DPH6: variants seen among roughly 807,000 people sequenced by gnomAD.
The protein encoded by DPH6 is diphthamine biosynthesis 6.
DPH6 carries 33 observed loss-of-function variants against 38.2 expected under a neutral mutation model. That is an observed-to-expected ratio of 0.86 (90% confidence interval 0.65 to 1.15). The LOEUF (loss-of-function observed/expected upper bound fraction) is 1.15. Among genes scored for constraint, DPH6 ranks in the 50% most tolerant of loss-of-function variants. The pLI, the probability that DPH6 is intolerant of heterozygous loss-of-function variation, is 0.00. For missense variants in DPH6, 325 were observed against 320.0 expected, an observed-to-expected ratio of 1.02 and a Z score of -0.12; for synonymous variants, 108 against 103.0, an observed-to-expected ratio of 1.05 and a Z score of -0.30.
At chr15:35,236,495 C>T (rs561404737) in intron 3 of DPH6, among the ~76,000 whole-genome samples, 118 of 151,980 alleles carry the variant, frequency 7.8e-4, no homozygotes, top group Non-Finnish European at 1.2e-3. Flanking sequence ...AAAAATTAGC[C>T]GGGCGTGTTG....
intron 3 of DPH6, among the ~76,000 whole-genome samples, chr15:35,504,172 C>G (rs373964723): frequency 6.6e-6 from 1 of 151,920 alleles, no homozygotes; most frequent in Non-Finnish European, 1.5e-5. Context: ...TCAAAAACTC[C>G]CCATTACTTA....
intron 3 of DPH6, among the ~76,000 whole-genome samples, chr15:35,252,712 G>A (rs112135499): frequency 5.3e-4 from 80 of 152,328 alleles, no homozygotes; most frequent in African/African-American, 1.9e-3. Context: ...GGCAGACAGC[G>A]AACAAATAAA....
At chr15:35,184,755 T>C in the DPH6 span, among the ~76,000 whole-genome samples, 1 of 152,176 alleles carries the variant, frequency 6.6e-6, no homozygotes, top group Non-Finnish European at 1.5e-5. Flanking sequence ...TCAAACTCAG[T>C]AGGTTATATG....
At chr15:35,448,578 A>G (rs1196275686) in intron 5 of DPH6, among the ~76,000 whole-genome samples, 1 of 152,172 alleles carries the variant, frequency 6.6e-6, no homozygotes, top group Non-Finnish European at 1.5e-5. Context: ...GAAAATGTGT[A>G]AGATGACCAC....
At chr15:35,538,089 T>C (rs2055198167) in intron 3 of DPH6, 185 bp downstream of exon 3, 2 of 400,460 alleles carry the variant, frequency 5.0e-6, no homozygotes, top group African/African-American at 2.1e-5. Context: ...TATTTTTAAA[T>C]ATCATTTAAT....
intron 5 of DPH6, among the ~76,000 whole-genome samples, chr15:35,417,108 T>C (rs1413180604): frequency 6.6e-6 from 1 of 152,076 alleles, no homozygotes; most frequent in African/African-American, 2.4e-5. Context: ...TTTTTATAAG[T>C]ATAAAGATTG....
At chr15:35,297,746 C>G (rs1036532330) in intron 3 of DPH6, among the ~76,000 whole-genome samples, 4 of 152,056 alleles carry the variant, frequency 2.6e-5, no homozygotes, top group South Asian at 2.1e-4. Context: ...CTGCTTGATA[C>G]AGCCACTTAG....
the DPH6 span, among the ~76,000 whole-genome samples, chr15:35,204,766 AT>A: frequency 0.011 from 1,650 of 152,028 alleles, 20 homozygotes; most frequent in African/African-American, 0.037. Flanking sequence ...AACATACAAA[AT>A]TTAAAATAAT....
At chr15:35,276,770 T>A (rs953185501) in intron 3 of DPH6, among the ~76,000 whole-genome samples, 1 of 152,216 alleles carries the variant, frequency 6.6e-6, no homozygotes. Context: ...GGGTTCTCTA[T>A]TCTGTTCCAT....
At chr15:35,473,447 C>T (rs1247648982) in intron 3 of DPH6, among the ~76,000 whole-genome samples, 3 of 143,740 alleles carry the variant, frequency 2.1e-5, no homozygotes, top group South Asian at 4.4e-4. Context: ...TATGTTAAAA[C>T]CTATCCAGCT....
At chr15:35,503,981 A>G (rs1303172331) in intron 3 of DPH6, among the ~76,000 whole-genome samples, 1 of 152,036 alleles carries the variant, frequency 6.6e-6, no homozygotes, top group Non-Finnish European at 1.5e-5. Context: ...TATGCTGATG[A>G]TCTCTACCAT....
chr15:35,368,626 A>G (rs908687424), downstream of DPH6, among the ~76,000 whole-genome samples: 3 of 151,946 alleles, frequency 2.0e-5, no homozygotes, highest in Admixed American at 6.6e-5. Context: ...TATTAGGACT[A>G]GAATATAAAA....
intron 3 of DPH6, chr15:35,299,084 T>A (rs1350637550): frequency 3.8e-6 from 3 of 781,854 alleles, no homozygotes; most frequent in Non-Finnish European, 6.6e-6. Flanking sequence ...CAGCTCCCGC[T>A]GTCTTTGTCC....
chr15:35,516,457 C>T (rs2054849186), intron 3 of DPH6, among the ~76,000 whole-genome samples: 1 of 152,118 alleles, frequency 6.6e-6, no homozygotes, highest in African/African-American at 2.4e-5. Flanking sequence ...TACTACTAGT[C>T]TTACTTTACA....
chr15:35,275,071 C>CG, intron 3 of DPH6, among the ~76,000 whole-genome samples: 1 of 152,144 alleles, frequency 6.6e-6, no homozygotes, highest in Non-Finnish European at 1.5e-5. Context: ...CCCGCCACCA[C>CG]GCCTGGCTAA....
At position 35,382,360 on chromosome 15, in the gene DPH6, C is replaced by T. The variant is rs147661257; in HGVS notation, c.568-444G>A. Among the ~76,000 whole-genome samples the T allele has an allele frequency of 1.1e-4, 17 of 152,246 alleles. 1 individual carries two copies. In the East Asian group the frequency reaches 2.9e-3, roughly 26 times the overall value. ...CCGAGGCGGGAGAATGGCGTAAACC[C>T]GGGAGACGGAGCTCAGCCGAGTTTG... On this transcript the variant is annotated intron_variant, in intron 6 of 8. Coordinates refer to ENST00000256538, the MANE Select transcript of DPH6 (RefSeq NM_080650.4).
chr15:35,415,061 A>ACTTTTTGT (rs1180158622), intron 5 of DPH6, among the ~76,000 whole-genome samples: 2 of 151,624 alleles, frequency 1.3e-5, no homozygotes, highest in African/African-American at 4.8e-5. Context: ...CCTGTTCACT[A>ACTTTTTGT]CTTTTTGTCT....
intron 3 of DPH6, among the ~76,000 whole-genome samples, chr15:35,277,803 A>C (rs1292652196): frequency 6.6e-6 from 1 of 152,218 alleles, no homozygotes; most frequent in Non-Finnish European, 1.5e-5. Flanking sequence ...AATCTGTGGA[A>C]GTTTGAACTT....
At chr15:35,381,411 T>A (rs903453836) in intron 7 of DPH6, among the ~76,000 whole-genome samples, 19 of 152,158 alleles carry the variant, frequency 1.2e-4, no homozygotes, top group Non-Finnish European at 1.9e-4. Flanking sequence ...TTCTGAGTTG[T>A]TAAAGCCAAG....
Sources: gnomAD v4.1 joint callset for allele counts (sites outside exome capture counted in the v4.1 genomes callset) on GRCh38, gnomAD v4.1.1 for gene constraint, MANE v1.5 for transcripts, NCBI Gene and HGNC (gene_info 2026-07-23, HGNC 2026-07-21) for gene names.